The following UBE2O variants were observed in gnomAD, a reference collection of about 807,000 sequenced individuals.
UBE2O encodes the protein ubiquitin conjugating enzyme E2 O.
Under a neutral mutation model 125.8 loss-of-function variants are expected in UBE2O, and 15 were observed. The observed-to-expected ratio is 0.12, with a 90% CI of 0.08 to 0.18. The LOEUF (loss-of-function observed/expected upper bound fraction) is 0.18. Ranked by LOEUF, UBE2O falls within the 10% of genes least tolerant of loss-of-function variation. The pLI is 1.00. For synonymous variants in UBE2O, 708 were observed against 703.2 expected (o/e 1.01, Z -0.11); for missense variants, 1,280 against 1,723.6 (o/e 0.74, Z 4.56).
At position 76,434,036 on chromosome 17, in the gene UBE2O, T is replaced by C. The variant is rs149925561; in HGVS notation, c.417+18689A>G. ...AACGAGCCCTCCTAACATCTTCTAC[T>C]CTTAGAAATTAGATGAGTGTCCTCC... On this transcript the variant is annotated intron_variant, in intron 1 of 17. Transcript: ENST00000319380. Among the ~76,000 whole-genome samples, 635 of 152,324 alleles carry C rather than the reference T, an allele frequency of 4.2e-3. 4 individuals are homozygous for C. Among genetic ancestry groups the C allele is most frequent in the Non-Finnish European group, 6.2e-3 (425 of 68,036 alleles).
rs1451525808 is a variant in UBE2O, at chr17:76,395,675, C to T, written c.2946+50G>A. The T allele has an allele frequency of 3.2e-6, 5 of 1,569,402 alleles. No individual in the cohort carries two copies. In the Admixed American group the frequency reaches 7.9e-5, roughly 25 times the overall value. On this transcript the variant is annotated intron_variant, in intron 15 of 17. Coordinates refer to ENST00000319380, the MANE Select transcript of UBE2O (RefSeq NM_022066.4). The surrounding 1 kb of genome is among the most constrained non-coding windows in gnomAD (Gnocchi z 5.0). ...CCCAAGGTTGGTGGCCTCTTGGGCA[C>T]TGGGTGCCCACACAGCACATCTGCA...
chr17:76,442,558 G>C (rs1389815986), intron 1 of UBE2O, among the ~76,000 whole-genome samples: 1 of 152,244 alleles, frequency 6.6e-6, no homozygotes, highest in Non-Finnish European at 1.5e-5. Context: ...TGCTGTCTCT[G>C]TTTCTCAAGG....
intron 1 of UBE2O, among the ~76,000 whole-genome samples, chr17:76,432,988 T>C (rs1276066239): frequency 6.6e-6 from 1 of 152,136 alleles, no homozygotes; most frequent in Admixed American, 6.5e-5. Flanking sequence ...GGTGGGTATG[T>C]AAAATGGTGC....
intron 1 of UBE2O, among the ~76,000 whole-genome samples, chr17:76,413,441 C>T (rs1266355074): frequency 6.6e-6 from 1 of 151,782 alleles, no homozygotes; most frequent in Non-Finnish European, 1.5e-5. Flanking sequence ...TCATGGTCAA[C>T]ACTGGACAAA....
At chr17:76,408,730 G>A (rs1278943117) in intron 1 of UBE2O, among the ~76,000 whole-genome samples, 7 of 152,154 alleles carry the variant, frequency 4.6e-5, no homozygotes, top group East Asian at 3.9e-4. Flanking sequence ...GGTGCCAGCC[G>A]GCCTGGCAGG....
chr17:76,453,100 T>C lies in UBE2O; in HGVS notation c.42A>G (p.Pro14=). The change falls in exon 1 of 18, where the codon CCA becomes CCG. Residue 14 remains proline, a synonymous_variant. Coordinates refer to ENST00000319380, the MANE Select transcript of UBE2O (RefSeq NM_022066.4). ...PAAPTPAAPA[P]AQAPAPAPEA... ...CCGGGGCTGGAGCCGGGGCCTGGGCTGGAGCGGGAGCTGCGGGCGTGGGGG... is the reference window on the plus strand; with the variant it reads ...CCGGGGCTGGAGCCGGGGCCTGGGCCGGAGCGGGAGCTGCGGGCGTGGGGG... The C allele has an allele frequency of 1.0e-6, 1 of 980,544 alleles. No individual in the cohort carries two copies. Among genetic ancestry groups the C allele is most frequent in the East Asian group, 3.3e-5 (1 of 30,032 alleles). The allele number at this position is 980,544 out of a possible 1,614,324, so 60.7% of individuals were successfully genotyped here. A position where few individuals can be genotyped will look rare whatever the true frequency, so the allele number is the denominator to read the frequency against.
intron 1 of UBE2O, among the ~76,000 whole-genome samples, chr17:76,432,244 G>A (rs779022607): frequency 2.6e-5 from 4 of 152,092 alleles, no homozygotes; most frequent in South Asian, 2.1e-4. Context: ...TCTTAGACCC[G>A]TCAAACTGCT....
In UBE2O at chr17:76,391,325, C is replaced by A; in HGVS notation, c.3497G>T (p.Ser1166Ile). The change falls in exon 18 of 18, where the codon AGC becomes ATC. Residue 1166 changes from serine (S) to isoleucine (I), a missense_variant. By Grantham distance (142) the Ser-to-Ile change is moderately radical (BLOSUM62 -2). This residue lies in a region of UBE2O where 233 missense variants were observed against 279.0 expected (regional missense o/e 0.84). Coordinates refer to ENST00000319380, the MANE Select transcript of UBE2O (RefSeq NM_022066.4). The surrounding 1 kb of genome is among the most constrained non-coding windows in gnomAD (Gnocchi z 8.4). Reference sequence around the variant, plus strand: ...TACAGCTGGGGGCTCTGGCGAGCTGCTGGCCTTGGGCACCCCGTTGGGCAG... The same window carrying A: ...TACAGCTGGGGGCTCTGGCGAGCTGATGGCCTTGGGCACCCCGTTGGGCAG... ...QALPNGVPKA[S>I]SSPEPPAVAE... 1.2e-6 allele frequency: 2 copies of A among 1,613,042 alleles called. No homozygotes were observed. Among genetic ancestry groups the A allele is most frequent in the Non-Finnish European group, 1.7e-6 (2 of 1,180,004 alleles).
Position 76,395,948 on chromosome 17 carries a change from A to G in UBE2O, c.2810-87T>C. 6.3e-7 allele frequency: 1 copy of G among 1,580,462 alleles called. No individual in the cohort carries two copies. Among genetic ancestry groups the G allele is most frequent in the Non-Finnish European group, 8.6e-7 (1 of 1,159,434 alleles). ...CCTGGCTGGACAGGTGAGCACACCC[A>G]CAGACTTCCCACTCGCCGCTGCTGG... On this transcript the variant is annotated intron_variant, in intron 14 of 17. Transcript: ENST00000319380. The surrounding 1 kb of genome is among the most constrained non-coding windows in gnomAD (Gnocchi z 5.0).
chr17:76,440,825 G>GTTGTT (rs2073066720), intron 1 of UBE2O, among the ~76,000 whole-genome samples: 1 of 152,206 alleles, frequency 6.6e-6, no homozygotes. Context: ...GCAAAGCTGA[G>GTTGTT]TTGTTGTGAA....
intron 1 of UBE2O, among the ~76,000 whole-genome samples, chr17:76,433,124 A>T (rs1230778468): frequency 6.6e-6 from 1 of 152,108 alleles, no homozygotes; most frequent in African/African-American, 2.4e-5. Context: ...ATTCACACAA[A>T]AACGTGGACT....
chr17:76,407,391 G>T (rs1441157436), intron 1 of UBE2O, among the ~76,000 whole-genome samples: 1 of 152,194 alleles, frequency 6.6e-6, no homozygotes, highest in Non-Finnish European at 1.5e-5. Context: ...CTGAGATACG[G>T]CATTTTTTTG....
Position 76,397,859 on chromosome 17 carries a change from G to A in UBE2O, c.2055C>T (p.Asp685=), listed in dbSNP as rs771531901. The change falls in exon 13 of 18, where the codon GAC becomes GAT. Residue 685 remains aspartate (D), a synonymous_variant. Coordinates refer to ENST00000319380, the MANE Select transcript of UBE2O (RefSeq NM_022066.4). The part of the protein sequence containing the change: ...EPSVGQVARV[D]VSSKVEVVWA... Reference sequence around the variant, plus strand: ...ACACCACCTCCACCTTGCTGCTGACGTCCACACGGGCCACCTGGCCCACCG... The same window carrying A: ...ACACCACCTCCACCTTGCTGCTGACATCCACACGGGCCACCTGGCCCACCG... The A allele has an allele frequency of 5.3e-5, 85 of 1,614,016 alleles. No individual in the cohort carries two copies. The highest frequency in any genetic ancestry group is 6.6e-5 in the Non-Finnish European group (78 of 1,180,040).
At chr17:76,430,904 G>A in intron 1 of UBE2O, 2 of 409,550 alleles carry the variant, frequency 4.9e-6, no homozygotes, top group Non-Finnish European at 4.8e-6. Flanking sequence ...AGCTTTTCTT[G>A]CCATCCTAGC....
At chr17:76,451,185 G>A (rs1235885907) in intron 1 of UBE2O, among the ~76,000 whole-genome samples, 1 of 152,184 alleles carries the variant, frequency 6.6e-6, no homozygotes, top group African/African-American at 2.4e-5. Context: ...AAATAGATGG[G>A]TGGTGAAAAA....
chr17:76,398,744 T>C lies in UBE2O; in HGVS notation c.1783+93A>G. ...CCCCTTCTGGACCTCATTTTAGCTC[T>C]GACCCCAGATCCACTGCCCATTCTC... On this transcript the variant is annotated intron_variant, in intron 10 of 17. Transcript: ENST00000319380. This position sits in a 1 kb window ranked among gnomAD's most constrained non-coding sequence, Gnocchi z 5.4. 3.3e-6 allele frequency: 5 copies of C among 1,535,812 alleles called. No individual in the cohort carries two copies. In the South Asian group the frequency reaches 6.1e-5, roughly 19 times the overall value.
At chr17:76,446,568 G>A (rs12453375) in intron 1 of UBE2O, among the ~76,000 whole-genome samples, 25,966 of 152,088 alleles carry the variant, frequency 0.17, 2,469 homozygotes, top group East Asian at 0.4. Context: ...AAAAACACAC[G>A]GAAACTGAAG....
chr17:76,399,412 C>G lies in UBE2O; in HGVS notation c.1628+37G>C. 1 of 1,592,338 alleles carries G rather than the reference C, an allele frequency of 6.3e-7. No individual in the cohort carries two copies. The highest frequency in any genetic ancestry group is 1.1e-5 in the South Asian group (1 of 88,886). On this transcript the variant is annotated intron_variant, in intron 9 of 17. Coordinates refer to ENST00000319380, the MANE Select transcript of UBE2O (RefSeq NM_022066.4). This position sits in a 1 kb window ranked among gnomAD's most constrained non-coding sequence, Gnocchi z 6.9. ...GACGCGCACTCTGCCTGGCTTCACGCTGACGCCATTGGGGAGGGGCACAAC... is the reference window on the plus strand; with the variant it reads ...GACGCGCACTCTGCCTGGCTTCACGGTGACGCCATTGGGGAGGGGCACAAC...
At chr17:76,416,489 T>C (rs2072619132) in intron 1 of UBE2O, among the ~76,000 whole-genome samples, 1 of 152,186 alleles carries the variant, frequency 6.6e-6, no homozygotes, top group Non-Finnish European at 1.5e-5. Context: ...CCTGTAGCTA[T>C]GCTCCCCAGG....
Sources: gnomAD v4.1 joint callset for allele counts (sites outside exome capture counted in the v4.1 genomes callset) on GRCh38, gnomAD v4.1.1 for gene constraint, gnomAD v4.1.1 regional missense constraint, Gnocchi (gnomAD v3.1) non-coding constraint, MANE v1.5 for transcripts, NCBI Gene and HGNC (gene_info 2026-07-23, HGNC 2026-07-21) for gene names.